PTPRK: variants seen among roughly 807,000 people sequenced by gnomAD.
PTPRK encodes the protein receptor-type tyrosine-protein phosphatase kappa.
A neutral mutation model predicts 178.0 loss-of-function variants in PTPRK; 75 were observed. The ratio of observed to expected loss-of-function variants is 0.42; its 90% CI spans 0.35 to 0.51. The LOEUF (loss-of-function observed/expected upper bound fraction) is 0.51, where lower values mean the gene tolerates loss of function less well. Among genes scored for constraint, PTPRK ranks in the 20% least tolerant of loss-of-function variants. The pLI, the probability that PTPRK is intolerant of heterozygous loss-of-function variation, is 0.02. For synonymous variants in PTPRK, 637 were observed against 620.6 expected (o/e 1.03, Z -0.39); for missense variants, 1,441 against 1,797.8 (o/e 0.80, Z 3.59).
intron 7 of PTPRK, among the ~76,000 whole-genome samples, chr6:128,131,684 T>C (rs1794262783): frequency 6.6e-6 from 1 of 152,206 alleles, no homozygotes; most frequent in South Asian, 2.1e-4. Context: ...TCATTGTGCT[T>C]GTTTTAAATT....
intron 7 of PTPRK, among the ~76,000 whole-genome samples, chr6:128,130,741 G>A (rs770754688): frequency 3.9e-5 from 6 of 152,086 alleles, no homozygotes; most frequent in Non-Finnish European, 7.4e-5. Flanking sequence ...ACCAGAAAAT[G>A]GAATGGTTTT....
chr6:128,118,980 T>C (rs1792011277), intron 7 of PTPRK, among the ~76,000 whole-genome samples: 2 of 152,336 alleles, frequency 1.3e-5, no homozygotes, highest in East Asian at 1.9e-4. Context: ...TGAGCTTCCA[T>C]TTAGTCTTGA....
At chr6:128,044,389 A>G (rs1338720368) in intron 13 of PTPRK, among the ~76,000 whole-genome samples, 2 of 151,946 alleles carry the variant, frequency 1.3e-5, no homozygotes, top group African/African-American at 4.8e-5. Flanking sequence ...CTCTAAACAC[A>G]CTCTGAGGAG....
At chr6:128,224,236 A>G (rs1210142690) in intron 5 of PTPRK, among the ~76,000 whole-genome samples, 1 of 152,138 alleles carries the variant, frequency 6.6e-6, no homozygotes, top group Non-Finnish European at 1.5e-5. Flanking sequence ...CCTCCAATCC[A>G]TCTCAGGCTT....
At chr6:127,986,461 T>C (rs1431836625) in intron 21 of PTPRK, among the ~76,000 whole-genome samples, 1 of 152,196 alleles carries the variant, frequency 6.6e-6, no homozygotes, top group African/African-American at 2.4e-5. Context: ...CAGCGCAGTA[T>C]TATTTATAGT....
At chr6:128,391,132 A>G (rs1384780061) in intron 2 of PTPRK, among the ~76,000 whole-genome samples, 1 of 152,064 alleles carries the variant, frequency 6.6e-6, no homozygotes, top group Non-Finnish European at 1.5e-5. Context: ...TTTTTAAAAA[A>G]GAATTCTATT....
At chr6:128,126,679 G>C (rs1308275793) in intron 7 of PTPRK, among the ~76,000 whole-genome samples, 1 of 152,110 alleles carries the variant, frequency 6.6e-6, no homozygotes, top group Admixed American at 6.5e-5. Flanking sequence ...TGGAGAGTCA[G>C]TGTCTCATTA....
At chr6:128,256,782 A>T (rs1432886195) in intron 3 of PTPRK, among the ~76,000 whole-genome samples, 1 of 152,160 alleles carries the variant, frequency 6.6e-6, no homozygotes, top group Non-Finnish European at 1.5e-5. Flanking sequence ...TGATTCAAAA[A>T]AAAGATGATT....
rs117659031 is a variant in PTPRK, at chr6:128,333,753, C to G, written c.224-11443G>C. On this transcript the variant is annotated intron_variant, in intron 2 of 29. Transcript: ENST00000368226. ...CACTTTCTTATCATCTGGGTGTTCA[C>G]TGGAGTAGCACTTCCAATTTCCTTC... Among the ~76,000 whole-genome samples, 12 of 152,306 alleles carry G rather than the reference C, an allele frequency of 7.9e-5. No homozygotes were observed. The East Asian group carries it at 2.3e-3, about 29-fold the overall frequency.
At chr6:127,996,161 C>T (rs749829872) in intron 17 of PTPRK, among the ~76,000 whole-genome samples, 3 of 151,988 alleles carry the variant, frequency 2.0e-5, no homozygotes, top group Non-Finnish European at 2.9e-5. Flanking sequence ...GAGGAAGTCC[C>T]TAACGATAAA....
Position 128,318,352 on chromosome 6 carries a change from A to G in PTPRK, c.495+3687T>C, listed in dbSNP as rs9482878. On this transcript the variant is annotated intron_variant, in intron 3 of 29. Transcript: ENST00000368226. ...ATCTTTCTACTGACAAAATATCAAT[A>G]TAATATACATTAATATAACCCCTTT... Among the ~76,000 whole-genome samples the G allele has an allele frequency of 5.4e-3, 820 of 152,336 alleles. 5 individuals are homozygous for G. The highest frequency in any genetic ancestry group is 0.018 in the African/African-American group (735 of 41,578).
chr6:128,454,295 A>G (rs2128408268), intron 1 of PTPRK, among the ~76,000 whole-genome samples: 2 of 152,322 alleles, frequency 1.3e-5, no homozygotes, highest in South Asian at 4.1e-4. Context: ...ATTCTGTTAT[A>G]GCAGCCTGAG....
intron 13 of PTPRK, chr6:128,027,889 G>A (rs1175364711): frequency 6.6e-6 from 1 of 152,274 alleles, no homozygotes; most frequent in East Asian, 1.9e-4. Flanking sequence ...ACTGTGCCCA[G>A]CTGTATCTTC....
At chr6:128,113,888 C>T (rs1156835191) in intron 7 of PTPRK, among the ~76,000 whole-genome samples, 1 of 152,062 alleles carries the variant, frequency 6.6e-6, no homozygotes, top group Non-Finnish European at 1.5e-5. Flanking sequence ...ATATACTATC[C>T]TTAATTACAG....
intron 7 of PTPRK, among the ~76,000 whole-genome samples, chr6:128,153,711 C>G (rs930139208): frequency 6.6e-6 from 1 of 151,910 alleles, no homozygotes; most frequent in Non-Finnish European, 1.5e-5. Flanking sequence ...TAACACTGTT[C>G]TGACAGACAA....
At chr6:128,164,873 C>G (rs1799181233) in intron 7 of PTPRK, among the ~76,000 whole-genome samples, 3 of 150,926 alleles carry the variant, frequency 2.0e-5, no homozygotes, top group Non-Finnish European at 3.0e-5. Flanking sequence ...CCAAAAAAAC[C>G]AGGGAAATAT....
intron 6 of PTPRK, among the ~76,000 whole-genome samples, chr6:128,198,557 G>A (rs1031126003): frequency 6.6e-6 from 1 of 152,084 alleles, no homozygotes; most frequent in African/African-American, 2.4e-5. Context: ...AACCACCATG[G>A]CATGTGTATA....
intron 13 of PTPRK, among the ~76,000 whole-genome samples, chr6:128,059,886 A>G (rs1019051143): frequency 2.6e-5 from 4 of 152,194 alleles, no homozygotes; most frequent in African/African-American, 9.6e-5. Flanking sequence ...GCAAACAATA[A>G]TAGTTTGTAA....
At chr6:127,989,134 T>G (rs568810876) in intron 21 of PTPRK, among the ~76,000 whole-genome samples, 1 of 152,106 alleles carries the variant, frequency 6.6e-6, no homozygotes, top group African/African-American at 2.4e-5. Context: ...CTTTTTGTTA[T>G]GTATTCAGGT....
Sources: allele counts gnomAD v4.1 joint callset (sites outside exome capture counted in the v4.1 genomes callset), GRCh38; gene constraint gnomAD v4.1.1; transcripts MANE v1.5; gene names NCBI Gene and HGNC (gene_info 2026-07-23, HGNC 2026-07-21).